Variants in GAL3ST1 observed in about 807,000 individuals in gnomAD.
The protein encoded by GAL3ST1 is galactose-3-O-sulfotransferase 1, also known as galactosylceramide sulfotransferase.
In GAL3ST1, 13 loss-of-function variants were observed where a neutral mutation model predicts 25.0. That is an observed-to-expected ratio of 0.52 (90% CI 0.34 to 0.83). The LOEUF (loss-of-function observed/expected upper bound fraction) is 0.83, where lower values mean the gene tolerates loss of function less well. Ranked by LOEUF, GAL3ST1 falls within the 40% of genes least tolerant of loss-of-function variation. The probability of loss-of-function intolerance (pLI) is 0.02; values close to 1 mark genes in which losing one functional copy is unlikely to be tolerated. For missense variants in GAL3ST1, 474 were observed against 613.6 expected (o/e 0.77, Z 2.40); for synonymous variants, 274 against 277.8 (o/e 0.99, Z 0.14).
At position 30,557,409 on chromosome 22, in the gene GAL3ST1, G is replaced by C; in HGVS notation, c.-9-8C>G. The C allele has an allele frequency of 1.2e-6, 2 of 1,614,046 alleles. No individual in the cohort carries two copies. Among genetic ancestry groups the C allele is most frequent in the Non-Finnish European group, 1.7e-6 (2 of 1,179,990 alleles). ...TGGCAGCATCTCAGACACCTGCAGG[G>C]GCAGCACAGAGTAGGGCAAGTGTCA... On this transcript the variant is annotated splice_polypyrimidine_tract_variant and splice_region_variant and intron_variant, in intron 2 of 3. Transcript: ENST00000406361.
At chr22:30,573,974 C>T (rs2086841972) in intron 1 of GAL3ST1, among the ~76,000 whole-genome samples, 1 of 152,194 alleles carries the variant, frequency 6.6e-6, no homozygotes, top group African/African-American at 2.4e-5. Flanking sequence ...CTCTGGGGTA[C>T]AGGCCAGGGC....
chr22:30,558,562 G>A (rs2086182954), intron 1 of GAL3ST1, among the ~76,000 whole-genome samples, 174 bp from the exon 2 acceptor site: 2 of 152,156 alleles, frequency 1.3e-5, no homozygotes, highest in African/African-American at 4.8e-5. Flanking sequence ...CCTGTCCCCT[G>A]TGCCACCCAC....
chr22:30,556,855 C>T (rs1332321263), intron 3 of GAL3ST1, among the ~76,000 whole-genome samples: 1 of 152,210 alleles, frequency 6.6e-6, no homozygotes, highest in East Asian at 1.9e-4. Context: ...CTGCCTCAGA[C>T]TCCCAAGTAG....
intron 1 of GAL3ST1, among the ~76,000 whole-genome samples, chr22:30,570,849 T>C (rs1485731611): frequency 6.6e-6 from 1 of 152,140 alleles, no homozygotes; most frequent in Non-Finnish European, 1.5e-5. Flanking sequence ...AATAAACTTA[T>C]TCATGTAGAG....
intron 3 of GAL3ST1, among the ~76,000 whole-genome samples, 165 bp downstream of exon 3, chr22:30,557,097 G>A (rs1037544074): frequency 1.3e-5 from 2 of 152,182 alleles, no homozygotes; most frequent in Non-Finnish European, 1.5e-5. Flanking sequence ...GTTACACGGC[G>A]AGCTCTGCCA....
chr22:30,559,452 G>A (rs781640969), intron 1 of GAL3ST1, among the ~76,000 whole-genome samples: 8 of 152,114 alleles, frequency 5.3e-5, no homozygotes, highest in South Asian at 2.1e-4. Flanking sequence ...TGTTGGCCAG[G>A]ATCATCTTGA....
chr22:30,559,022 G>A (rs2086212203), intron 1 of GAL3ST1, among the ~76,000 whole-genome samples: 1 of 151,860 alleles, frequency 6.6e-6, no homozygotes, highest in Non-Finnish European at 1.5e-5. Context: ...GCTGGGTGTG[G>A]TGGCATGCCC....
At chr22:30,560,576 T>C (rs1283374783) in intron 1 of GAL3ST1, among the ~76,000 whole-genome samples, 2 of 152,034 alleles carry the variant, frequency 1.3e-5, no homozygotes, top group East Asian at 1.9e-4. Context: ...AGCCTCCCAC[T>C]TCTCAGCGAC....
chr22:30,556,003 C>G lies in GAL3ST1; in HGVS notation c.222G>C (p.Pro74=). ...TCTTCAAGAACACGATGTTGCGCCG[C>G]GGCTGGCACTCCCCCGCCGAGCCGT... The part of the protein sequence containing the change: ...RANGSAGECQ[P]RRNIVFLKTH... Residue 74 remains proline, a synonymous_variant, in exon 4 of 4, where the codon CCG becomes CCC. Transcript: ENST00000406361. The G allele has an allele frequency of 1.2e-6, 2 of 1,611,764 alleles. No individual in the cohort carries two copies. Among genetic ancestry groups the G allele is most frequent in the Non-Finnish European group, 1.7e-6 (2 of 1,179,892 alleles).
At chr22:30,568,157 A>G (rs1322427566) in intron 1 of GAL3ST1, among the ~76,000 whole-genome samples, 1 of 152,236 alleles carries the variant, frequency 6.6e-6, no homozygotes, top group Non-Finnish European at 1.5e-5. Context: ...TGAGGCTTGC[A>G]GAAGCACGAA....
At chr22:30,559,486 A>G (rs2086254836) in intron 1 of GAL3ST1, among the ~76,000 whole-genome samples, 1 of 152,114 alleles carries the variant, frequency 6.6e-6, no homozygotes, top group Non-Finnish European at 1.5e-5. Flanking sequence ...TGATCTGCCC[A>G]CCTTGGCCTC....
intron 1 of GAL3ST1, among the ~76,000 whole-genome samples, chr22:30,571,868 A>G (rs886412048): frequency 2.6e-5 from 4 of 152,080 alleles, no homozygotes; most frequent in African/African-American, 9.7e-5. Context: ...CGTCTCAAAA[A>G]CAAAAACAAA....
At position 30,555,369 on chromosome 22, in the gene GAL3ST1, C is replaced by G. The variant is rs1483769724; in HGVS notation, c.856G>C (p.Val286Leu). 2 of 1,608,570 alleles carry G rather than the reference C, an allele frequency of 1.2e-6. No homozygotes were observed. Among genetic ancestry groups the G allele is most frequent in the Non-Finnish European group, 1.7e-6 (2 of 1,179,810 alleles). The change falls in exon 4 of 4, where the codon GTG becomes CTG. Residue 286 changes from valine (V) to leucine (L), a missense_variant. Coordinates refer to ENST00000406361, the MANE Select transcript of GAL3ST1 (RefSeq NM_001318104.2). The surrounding 1 kb of genome is among the most constrained non-coding windows in gnomAD (Gnocchi z 8.6). ...TACAGCTCCCCCGAGAGCCGCGGCACGGGCGAGTCGCGGCGGGCGTTGAGC... is the reference window on the plus strand; with the variant it reads ...TACAGCTCCCCCGAGAGCCGCGGCAGGGGCGAGTCGCGGCGGGCGTTGAGC... ...FKLNARRDSPVPRLSGELYGR... is the reference protein window; with the variant it reads ...FKLNARRDSPLPRLSGELYGR...
chr22:30,559,905 G>A (rs1302689276), intron 1 of GAL3ST1, among the ~76,000 whole-genome samples: 4 of 152,318 alleles, frequency 2.6e-5, no homozygotes, highest in East Asian at 1.9e-4. Context: ...ACTGCACTGC[G>A]CCCTGGGCCC....
chr22:30,560,979 A>G (rs759946284), intron 1 of GAL3ST1, among the ~76,000 whole-genome samples: 3 of 151,718 alleles, frequency 2.0e-5, no homozygotes, highest in Non-Finnish European at 2.9e-5. Flanking sequence ...GTGTCTCCCT[A>G]TGTTGCCCAG....
rs1382219114 is a variant in GAL3ST1, at chr22:30,555,491, C to T, written c.734G>A (p.Arg245His). The change falls in exon 4 of 4, where the codon CGC becomes CAC. Residue 245 changes from arginine (R) to histidine (H), a missense_variant. By Grantham distance (29) the Arg-to-His change is conservative. This residue lies in a region of GAL3ST1 where 359 missense variants were observed against 504.4 expected (regional missense o/e 0.71). Coordinates refer to ENST00000406361, the MANE Select transcript of GAL3ST1 (RefSeq NM_001318104.2). This position sits in a 1 kb window ranked among gnomAD's most constrained non-coding sequence, Gnocchi z 8.6. ...CTCTTGAAGGAGCACCAGGTGGAAG[C>T]GACGCTCCACCTCCAGGATGTGCTC... ...VQEHILEVER[R>H]FHLVLLQEYF... The T allele has an allele frequency of 2.5e-6, 4 of 1,613,128 alleles. No homozygotes were observed. The highest frequency in any genetic ancestry group is 3.3e-5 in the Admixed American group (2 of 60,010).
At chr22:30,563,069 T>C (rs1569004871) in intron 1 of GAL3ST1, among the ~76,000 whole-genome samples, 2 of 152,092 alleles carry the variant, frequency 1.3e-5, no homozygotes, top group Non-Finnish European at 1.5e-5. Flanking sequence ...TGAGCTGAGA[T>C]TGCGCCATTG....
chr22:30,555,535 G>C lies in GAL3ST1; in HGVS notation c.690C>G (p.Pro230=), dbSNP rs140947286. 1.8e-5 allele frequency: 29 copies of C among 1,613,664 alleles called. No homozygotes were observed. Among genetic ancestry groups the C allele is most frequent in the Non-Finnish European group, 2.5e-5 (29 of 1,179,986 alleles). The change falls in exon 4 of 4, where the codon CCC becomes CCG. Residue 230 remains proline (P), a synonymous_variant. Transcript: ENST00000406361. The surrounding 1 kb of genome is among the most constrained non-coding windows in gnomAD (Gnocchi z 8.6). ...TGTGCTCCTGCACCTGCGGGCTGCT[G>C]GGGTCCAGGCTGTTGTCATAGCCCA... ...FDLGYDNSLD[P]SSPQVQEHIL...
chr22:30,574,086 C>T (rs1057513781), intron 1 of GAL3ST1, among the ~76,000 whole-genome samples: 7 of 152,176 alleles, frequency 4.6e-5, no homozygotes, highest in Non-Finnish European at 7.4e-5. Context: ...ATCTCTGCCC[C>T]TCCTCCCCTA....
Sources: allele counts gnomAD v4.1 joint callset (sites outside exome capture counted in the v4.1 genomes callset), GRCh38; gene constraint gnomAD v4.1.1; regional missense constraint gnomAD v4.1.1; non-coding constraint Gnocchi (gnomAD v3.1); transcripts MANE v1.5; gene names NCBI Gene and HGNC (gene_info 2026-07-23, HGNC 2026-07-21).